PTBP3: variants seen among roughly 807,000 people sequenced by gnomAD.
PTBP3 encodes polypyrimidine tract-binding protein 3.
PTBP3 carries 20 observed loss-of-function variants against 58.7 expected under a neutral mutation model. The observed-to-expected ratio is 0.34, with a 90% confidence interval of 0.24 to 0.50. The LOEUF is 0.50. Ranked by LOEUF, PTBP3 falls within the 20% of genes least tolerant of loss-of-function variation. The pLI is 0.98. For missense variants in PTBP3, 509 were observed against 637.2 expected (o/e 0.80, Z 2.17); for synonymous variants, 185 against 219.8 (o/e 0.84, Z 1.40).
At chr9:112,227,688 T>C in intron 11 of PTBP3, 61 bp from the exon 12 acceptor site, 1 of 1,178,724 alleles carries the variant, frequency 8.5e-7, no homozygotes. Context: ...CAGTAGTATC[T>C]GACAACATTA....
At chr9:112,353,808 A>C in the PTBP3 span, among the ~76,000 whole-genome samples, 1 of 151,930 alleles carries the variant, frequency 6.6e-6, no homozygotes, top group Admixed American at 6.6e-5. Context: ...ATACAAAAAA[A>C]TTAGCCAGGC....
At chr9:112,331,708 T>G (rs562636793) in intron 1 of PTBP3, among the ~76,000 whole-genome samples, 6 of 152,344 alleles carry the variant, frequency 3.9e-5, no homozygotes, top group Non-Finnish European at 8.8e-5. Flanking sequence ...TACCTTCCAG[T>G]CAGTATCTGT....
intron 2 of PTBP3, among the ~76,000 whole-genome samples, chr9:112,287,828 G>A (rs1003425410): frequency 2.0e-5 from 3 of 151,678 alleles, no homozygotes; most frequent in Non-Finnish European, 4.4e-5. Context: ...TTAAATACTT[G>A]AACATACTTT....
the PTBP3 span, among the ~76,000 whole-genome samples, chr9:112,369,008 G>A: frequency 3.9e-5 from 6 of 152,340 alleles, no homozygotes; most frequent in South Asian, 6.2e-4. Flanking sequence ...TGGCTTACAC[G>A]AGGTCTTGTG....
the PTBP3 span, among the ~76,000 whole-genome samples, chr9:112,339,290 CAAAAAAAAAAAA>C: frequency 1.4e-5 from 1 of 71,714 alleles, no homozygotes; most frequent in Admixed American, 2.1e-4. Context: ...GACTCTGTCT[CAAAAAAAAAAAA>C]AAAAAAAAAA....
intron 3 of PTBP3, among the ~76,000 whole-genome samples, chr9:112,269,236 C>T (rs1046501210): frequency 5.7e-5 from 8 of 139,508 alleles, no homozygotes; most frequent in Non-Finnish European, 4.6e-5. Flanking sequence ...TAAAAGGCTA[C>T]AATACATAAA....
the PTBP3 span, among the ~76,000 whole-genome samples, chr9:112,376,198 C>CGTGTGTGT: frequency 4.4e-3 from 18 of 4,084 alleles, no homozygotes; most frequent in African/African-American, 0.023. Flanking sequence ...TCCTTATATA[C>CGTGTGTGT]GTGTGTGTGT....
intron 1 of PTBP3, among the ~76,000 whole-genome samples, chr9:112,308,099 G>A (rs1490352827): frequency 6.6e-6 from 1 of 152,138 alleles, no homozygotes; most frequent in Non-Finnish European, 1.5e-5. Flanking sequence ...CACCCAGGAT[G>A]GAGTACAGCG....
chr9:112,346,463 G>T, the PTBP3 span, among the ~76,000 whole-genome samples: 1 of 151,834 alleles, frequency 6.6e-6, no homozygotes, highest in South Asian at 2.1e-4. Flanking sequence ...CACCACACCT[G>T]GCCGGCAAAT....
intron 1 of PTBP3, among the ~76,000 whole-genome samples, chr9:112,300,567 ATG>A (rs1052218185): frequency 5.0e-4 from 76 of 152,126 alleles, no homozygotes; most frequent in African/African-American, 1.7e-3. Context: ...CCTGGCTAAC[ATG>A]GTGAAACCCC....
rs975336933 is a variant in PTBP3 at position 112,222,770 on chromosome 9, C to T, written c.*1081G>A. 1 of 950,692 alleles carries T rather than the reference C, an allele frequency of 1.1e-6. No homozygotes were observed. Among genetic ancestry groups the T allele is most frequent in the African/African-American group, 1.8e-5 (1 of 56,370 alleles). 58.9% of individuals were successfully genotyped at this position (950,692 alleles called of 1,614,324 possible). A position where few individuals can be genotyped will look rare whatever the true frequency, so the allele number is the denominator to read the frequency against. Reference sequence around the variant, plus strand: ...TCAAGATATTTAGATTAAACTCTAACCTATTGTATCTTAAGCACATAATAA... The same window carrying T: ...TCAAGATATTTAGATTAAACTCTAATCTATTGTATCTTAAGCACATAATAA... On this transcript the variant is annotated 3_prime_UTR_variant, in exon 14 of 14. Transcript: ENST00000374257.
intron 5 of PTBP3, among the ~76,000 whole-genome samples, chr9:112,261,168 T>C (rs1344465766): frequency 6.6e-6 from 1 of 152,180 alleles, no homozygotes; most frequent in Admixed American, 6.5e-5. Context: ...ACCAATCACT[T>C]AAGCAACAGC....
At chr9:112,372,835 C>T in the PTBP3 span, among the ~76,000 whole-genome samples, 137 of 151,612 alleles carry the variant, frequency 9.0e-4, 2 homozygotes, top group East Asian at 0.025. Context: ...TTGTTTCCAC[C>T]TTTTGGCTAT....
chr9:112,290,186 T>C (rs1272290730), intron 2 of PTBP3, among the ~76,000 whole-genome samples: 4 of 152,096 alleles, frequency 2.6e-5, no homozygotes, highest in African/African-American at 9.7e-5. Context: ...ATTCAGAATA[T>C]ATAAAAAACA....
rs145960773 is a variant in PTBP3 at position 112,223,965 on chromosome 9, C to A, written c.1461G>T (p.Ala487=). 2.5e-6 allele frequency: 4 copies of A among 1,611,510 alleles called. No homozygotes were observed. Among genetic ancestry groups the A allele is most frequent in the Non-Finnish European group, 1.7e-6 (2 of 1,178,904 alleles). ...FKFFQKDRKM[A]LIQLGSVEEA... ...CTTCCACAGATCCCAATTGAATGAG[C>A]GCCATTTTGCGATCTTTCCTGAAAA... is the stretch of plus-strand genomic sequence containing the variant. Residue 487 remains alanine, a synonymous_variant, in exon 14 of 14, where the codon GCG becomes GCT. Transcript: ENST00000374257.
the PTBP3 span, among the ~76,000 whole-genome samples, chr9:112,358,950 TC>T: frequency 6.6e-6 from 1 of 152,118 alleles, no homozygotes; most frequent in Non-Finnish European, 1.5e-5. Flanking sequence ...TCCTCCCACC[TC>T]AATCTCCTGA....
rs1834693858 is a variant in PTBP3 at position 112,218,440 on chromosome 9, AG to A, written c.*5410del. 6.6e-6 allele frequency: 1 copy of A among 152,614 alleles called. No homozygotes were observed. The highest frequency in any genetic ancestry group is 1.5e-5 in the Non-Finnish European group (1 of 68,038). 9.5% of individuals were successfully genotyped at this position (152,614 alleles called of 1,614,324 possible). On this transcript the variant is annotated 3_prime_UTR_variant, in exon 14 of 14. Transcript: ENST00000374257. ...CAGACAAGAACACAGAAAAATTTTA[AG>A]AGAGTACAGATGTCATGACATTTAT...
At chr9:112,373,191 C>A in the PTBP3 span, among the ~76,000 whole-genome samples, 27 of 152,194 alleles carry the variant, frequency 1.8e-4, no homozygotes, top group African/African-American at 6.3e-4. Context: ...CCACCAGGCC[C>A]AGCCTACATG....
Position 112,220,777 on chromosome 9 carries a change from G to C in PTBP3, c.*3074C>G. The C allele has an allele frequency of 1.0e-6, 1 of 982,556 alleles. No individual in the cohort carries two copies. The highest frequency in any genetic ancestry group is 1.2e-6 in the Non-Finnish European group (1 of 827,284). 60.9% of individuals were successfully genotyped at this position (982,556 alleles called of 1,614,324 possible). A position where few individuals can be genotyped will look rare whatever the true frequency, so the allele number is the denominator to read the frequency against. ...AATCATTTTGGTGTAATTCGCTACT[G>C]TTAAATGTGTACTGCTATTTTTTAA... On this transcript the variant is annotated 3_prime_UTR_variant, in exon 14 of 14. Coordinates refer to ENST00000374257, the MANE Select transcript of PTBP3 (RefSeq NM_001163788.4).
Sources: gnomAD v4.1 joint callset for allele counts (sites outside exome capture counted in the v4.1 genomes callset) on GRCh38, gnomAD v4.1.1 for gene constraint, MANE v1.5 for transcripts, NCBI Gene and HGNC (gene_info 2026-07-23, HGNC 2026-07-21) for gene names.